The following CCDC88B variants were observed in gnomAD, a reference collection of about 807,000 sequenced individuals.
The protein encoded by CCDC88B is coiled-coil and HOOK domain protein 88B, also known as coiled-coil domain-containing protein 88B.
Under a neutral mutation model 183.7 loss-of-function variants are expected in CCDC88B, and 138 were observed. That is an observed-to-expected ratio of 0.75 (90% confidence interval 0.65 to 0.87). The LOEUF (loss-of-function observed/expected upper bound fraction) is 0.87. Ranked by LOEUF, CCDC88B falls within the 40% of genes least tolerant of loss-of-function variation. CCDC88B has a pLI of 0.00. For missense variants in CCDC88B, 1,822 were observed against 1,965.6 expected, an observed-to-expected ratio of 0.93 and a Z score of 1.38; for synonymous variants, 835 against 867.5, an observed-to-expected ratio of 0.96 and a Z score of 0.66.
chr11:64,340,276 G>A lies in CCDC88B; in HGVS notation c.10G>A (p.Gly4Ser). Reference sequence around the variant, plus strand: ...GCACCCCGACCCGGGCATGGAGGGGGGCAAGGGGCCCAGGCTCAGAGACTT... The same window carrying A: ...GCACCCCGACCCGGGCATGGAGGGGAGCAAGGGGCCCAGGCTCAGAGACTT... The part of the protein sequence containing the change: MEG[G>S]KGPRLRDFLS... The change falls in exon 1 of 27, where the codon GGC becomes AGC. Residue 4 changes from glycine (G) to serine (S), a missense_variant. Transcript: ENST00000356786. 5 of 1,268,544 alleles carry A rather than the reference G, an allele frequency of 3.9e-6. No individual in the cohort carries two copies. The highest frequency in any genetic ancestry group is 5.0e-6 in the Non-Finnish European group (5 of 998,228). 78.6% of individuals were successfully genotyped at this position (1,268,544 alleles called of 1,614,324 possible). A position where few individuals can be genotyped will look rare whatever the true frequency, so the allele number is the denominator to read the frequency against.
In CCDC88B at chr11:64,353,599, C is replaced by T. The variant is rs1418336540; in HGVS notation, c.3833+103C>T. On this transcript the variant is annotated intron_variant, in intron 22 of 26. Transcript: ENST00000356786. ...TAGGGACAGGGTTGGAGCTGACCTT[C>T]CAGGTCAGTCCAATCTGCGGCACGG... The T allele has an allele frequency of 3.2e-6, 5 of 1,566,788 alleles. No individual in the cohort carries two copies. The Admixed American group carries it at 6.8e-5, about 21-fold the overall frequency.
rs1160784673 is a variant in CCDC88B at position 64,342,103 on chromosome 11, A to C, written c.785A>C (p.Asn262Thr). 4 of 1,610,904 alleles carry C rather than the reference A, an allele frequency of 2.5e-6. No individual in the cohort carries two copies. Among genetic ancestry groups the C allele is most frequent in the Non-Finnish European group, 3.4e-6 (4 of 1,179,162 alleles). ...PSHHLALQLANAKAQLRRLRQ... is the reference protein window; with the variant it reads ...PSHHLALQLATAKAQLRRLRQ... ...CACCATCTGGCCCTGCAGCTGGCCA[A>C]CGCCAAGGCTCAGCTGCGGCGTCTG... The change falls in exon 8 of 27, where the codon AAC becomes ACC. Residue 262 changes from asparagine to threonine, a missense_variant. By Grantham distance (65) the Asn-to-Thr change is moderately conservative. Transcript: ENST00000356786.
chr11:64,341,189 C>T lies in CCDC88B; in HGVS notation c.388+11C>T, dbSNP rs1261442626. The T allele has an allele frequency of 1.9e-6, 3 of 1,614,104 alleles. No individual in the cohort carries two copies. Among genetic ancestry groups the T allele is most frequent in the African/African-American group, 1.3e-5 (1 of 75,022 alleles). On this transcript the variant is annotated intron_variant, in intron 4 of 26. Transcript: ENST00000356786. ...TTGACCCTCTCTCAGGTGCTCTCCCCACCCACACCCTCCTGCCTCTGCCCC... is the reference window on the plus strand; with the variant it reads ...TTGACCCTCTCTCAGGTGCTCTCCCTACCCACACCCTCCTGCCTCTGCCCC...
chr11:64,346,190 A>C (rs575743987), intron 14 of CCDC88B, among the ~76,000 whole-genome samples: 53 of 152,308 alleles, frequency 3.5e-4, no homozygotes, highest in African/African-American at 1.3e-3. Context: ...GCTTGGGGCT[A>C]TCAGGACGCA....
Position 64,341,104 on chromosome 11 carries a change from T to A in CCDC88B, c.319-5T>A, listed in dbSNP as rs762576546. The A allele has an allele frequency of 4.3e-6, 7 of 1,613,894 alleles. No individual in the cohort carries two copies. The African/African-American group carries it at 9.4e-5, about 22-fold the overall frequency. On this transcript the variant is annotated splice_polypyrimidine_tract_variant and splice_region_variant and intron_variant, in intron 3 of 26. Coordinates refer to ENST00000356786, the MANE Select transcript of CCDC88B (RefSeq NM_032251.6). ...GCCTCATATAGTCTGCCTCTCTGCC[T>A]CCAGGAGGAGCTGCAGCTGCTGATC...
intron 16 of CCDC88B, 83 bp downstream of exon 16, chr11:64,349,751 C>G: frequency 7.8e-7 from 1 of 1,282,226 alleles, no homozygotes. Context: ...ATCTGTCCTC[C>G]TAGTCTTGCC....
In CCDC88B at chr11:64,354,401, CGCA is replaced by C. The variant is rs1391808186; in HGVS notation, c.4099+234_4099+236del. Among the ~76,000 whole-genome samples the C allele has an allele frequency of 5.3e-5, 8 of 152,224 alleles. 1 individual carries two copies. Among genetic ancestry groups the C allele is most frequent in the African/African-American group, 1.9e-4 (8 of 41,536 alleles). On this transcript the variant is annotated intron_variant, in intron 24 of 26. Transcript: ENST00000356786. ...TGTCCCCGACCCAGCCTGCCCCATC[CGCA>C]GCGGAGCCCAGGATCTGGGAGGTGC...
Position 64,353,260 on chromosome 11 carries a change from G to T in CCDC88B, c.3687+20G>T. On this transcript the variant is annotated intron_variant, in intron 21 of 26. Coordinates refer to ENST00000356786, the MANE Select transcript of CCDC88B (RefSeq NM_032251.6). ...TGTGAGGTGTGGCTGGAGGGCCGGTGGGGGTATGGGCGTGTGGTGGGGCAG... is the reference window on the plus strand; with the variant it reads ...TGTGAGGTGTGGCTGGAGGGCCGGTTGGGGTATGGGCGTGTGGTGGGGCAG... 1 of 1,561,290 alleles carries T rather than the reference G, an allele frequency of 6.4e-7. No individual in the cohort carries two copies. The highest frequency in any genetic ancestry group is 8.7e-7 in the Non-Finnish European group (1 of 1,152,262).
chr11:64,345,091 G>T lies in CCDC88B; in HGVS notation c.2550G>T (p.Glu850Asp). Residue 850 changes from glutamate to aspartate, a missense_variant, in exon 14 of 27, where the codon GAG becomes GAT. Coordinates refer to ENST00000356786, the MANE Select transcript of CCDC88B (RefSeq NM_032251.6). Reference sequence around the variant, plus strand: ...CCGAGGAACGGATGCAGGTGCTGGAGAGCGAGGGCCGCCAGCACTTGGAGG... The same window carrying T: ...CCGAGGAACGGATGCAGGTGCTGGATAGCGAGGGCCGCCAGCACTTGGAGG... The part of the protein sequence containing the change: ...EAAEERMQVL[E>D]SEGRQHLEEA... 1 of 1,551,608 alleles carries T rather than the reference G, an allele frequency of 6.4e-7. No individual in the cohort carries two copies.
intron 14 of CCDC88B, among the ~76,000 whole-genome samples, chr11:64,346,812 T>C (rs1455718162): frequency 1.3e-5 from 2 of 151,274 alleles, no homozygotes; most frequent in Non-Finnish European, 2.9e-5. Flanking sequence ...TCTTTTCTTT[T>C]CTTTTTTTGA....
intron 15 of CCDC88B, 27 bp from the exon 16 acceptor site, chr11:64,349,524 G>GGC: frequency 6.7e-7 from 1 of 1,498,194 alleles, no homozygotes; most frequent in Non-Finnish European, 9.2e-7. Context: ...GTGGGGTGGG[G>GGC]CTGGGTGCTA....
At chr11:64,349,002 C>T (rs926333679) in intron 14 of CCDC88B, 7 of 717,474 alleles carry the variant, frequency 9.8e-6, no homozygotes, top group East Asian at 5.4e-5. Context: ...GGCAGCCCAC[C>T]GGGCGCATCC....
chr11:64,342,827 G>T, intron 10 of CCDC88B, 147 bp downstream of exon 10: 17 of 987,996 alleles, frequency 1.7e-5, no homozygotes, highest in Non-Finnish European at 2.4e-5. Flanking sequence ...AATTCAGGGA[G>T]GTGGCGTCTG....
At chr11:64,341,575 T>C (rs750535053) in intron 6 of CCDC88B, 24 bp from the exon 7 acceptor site, 1 of 1,606,290 alleles carries the variant, frequency 6.2e-7, no homozygotes, top group Non-Finnish European at 8.5e-7. Flanking sequence ...CGGCTTCCAC[T>C]GAACTGCTCT....
At chr11:64,350,685 C>G (rs1454887518) in intron 16 of CCDC88B, 1 of 151,186 alleles carries the variant, frequency 6.6e-6, no homozygotes, top group African/African-American at 2.4e-5. Flanking sequence ...GACTCCGTCT[C>G]AAAAAAACCC....
At chr11:64,341,240 A>C (rs1462658121) in intron 4 of CCDC88B, 30 bp from the exon 5 acceptor site, 4 of 1,612,558 alleles carry the variant, frequency 2.5e-6, no homozygotes, top group Admixed American at 1.7e-5. Flanking sequence ...TCCCCGCCCC[A>C]GTTAACCCCT....
chr11:64,354,347 C>G (rs1456498992), intron 24 of CCDC88B, among the ~76,000 whole-genome samples, 177 bp downstream of exon 24: 2 of 152,056 alleles, frequency 1.3e-5, no homozygotes. Flanking sequence ...CAGGGTCACC[C>G]TTGGCCCACA....
Position 64,353,360 on chromosome 11 carries a change from C to T in CCDC88B, c.3697C>T (p.Gln1233Ter). ...GGTGCCCCCCTGCCAGCTATTGACA[C>T]AGCTGCGAAGTGCCCAGGAAGAGGA... ...RLTTQCELLT[Q>*]LRSAQEEENR... is the part of the protein sequence containing the mutation. Residue 1233 changes from glutamine to a stop codon, truncating the protein, a stop_gained, in exon 22 of 27, where the codon CAG becomes TAG. Coordinates refer to ENST00000356786, the MANE Select transcript of CCDC88B (RefSeq NM_032251.6). LOFTEE classifies it high-confidence loss of function. The T allele has an allele frequency of 1.2e-6, 2 of 1,613,452 alleles. No homozygotes were observed. Among genetic ancestry groups the T allele is most frequent in the Non-Finnish European group, 1.7e-6 (2 of 1,179,878 alleles).
chr11:64,340,546 C>A, intron 1 of CCDC88B, 61 bp from the exon 2 acceptor site: 3 of 1,559,164 alleles, frequency 1.9e-6, no homozygotes, highest in Non-Finnish European at 2.6e-6. Flanking sequence ...CTCACTGGGG[C>A]AGGTCGGAGG....
Sources: allele counts gnomAD v4.1 joint callset (sites outside exome capture counted in the v4.1 genomes callset), GRCh38; gene constraint gnomAD v4.1.1; transcripts MANE v1.5; gene names NCBI Gene and HGNC (gene_info 2026-07-23, HGNC 2026-07-21).